Variants in EXD2 observed in about 807,000 individuals in gnomAD.
EXD2 encodes the protein exonuclease 3'-5' domain-containing protein 2.
A neutral mutation model predicts 62.5 loss-of-function variants in EXD2; 40 were observed. The observed-to-expected ratio is 0.64, with a 90% CI of 0.50 to 0.83. The LOEUF (loss-of-function observed/expected upper bound fraction) is 0.83. EXD2 is among the 40% of genes least tolerant of loss of function. EXD2 has a pLI of 0.00. For missense variants in EXD2, 671 were observed against 761.8 expected, an observed-to-expected ratio of 0.88 and a Z score of 1.40; for synonymous variants, 239 against 291.9, an observed-to-expected ratio of 0.82 and a Z score of 1.85.
intron 1 of EXD2, among the ~76,000 whole-genome samples, chr14:69,195,841 C>T (rs918139908): frequency 5.3e-5 from 8 of 152,160 alleles, no homozygotes; most frequent in African/African-American, 1.9e-4. Context: ...TAGCATGTTT[C>T]AGTACTTCAT....
chr14:69,193,060 CT>C (rs1555385968), intron 1 of EXD2, among the ~76,000 whole-genome samples: 1,403 of 138,082 alleles, frequency 0.01, 16 homozygotes, highest in African/African-American at 0.034. Context: ...TTCTCTCTCT[CT>C]TTTTTTTTTT....
intron 3 of EXD2, among the ~76,000 whole-genome samples, chr14:69,211,587 T>C (rs2042805404): frequency 6.6e-6 from 1 of 151,616 alleles, no homozygotes; most frequent in African/African-American, 2.4e-5. Context: ...GGTGTTTCTT[T>C]ATATCAGCAA....
In EXD2 at chr14:69,228,939, T is replaced by G. The variant is rs1163732997; in HGVS notation, c.457T>G (p.Leu153Val). ...CGGKTLPRTL[L>V]DILADGTILK... ...AGGAAAAACACTACCAAGAACGTTA[T>G]TGGATATTTTGGCAGATGGCACCAT... is the stretch of plus-strand genomic sequence containing the variant. The change falls in exon 4 of 10, where the codon TTG (leucine) becomes GTG (valine). Residue 153 changes from leucine to valine, a missense_variant. Physicochemically the swap from Leu to Val is conservative, Grantham distance 32. Coordinates refer to ENST00000685843, the MANE Select transcript of EXD2 (RefSeq NM_001193360.2). The G allele has an allele frequency of 6.2e-7, 1 of 1,614,168 alleles. No homozygotes were observed. The highest frequency in any genetic ancestry group is 8.5e-7 in the Non-Finnish European group (1 of 1,180,036).
At chr14:69,211,618 A>C (rs1019447345) in intron 3 of EXD2, among the ~76,000 whole-genome samples, 1 of 151,906 alleles carries the variant, frequency 6.6e-6, no homozygotes, top group African/African-American at 2.4e-5. Flanking sequence ...CGTTTATACC[A>C]ATGACCTTGG....
At chr14:69,212,114 G>A (rs1459002198) in intron 3 of EXD2, among the ~76,000 whole-genome samples, 3 of 152,308 alleles carry the variant, frequency 2.0e-5, no homozygotes, top group Non-Finnish European at 2.9e-5. Flanking sequence ...GGTAGCCCAC[G>A]CCTGTAATCC....
intron 5 of EXD2, among the ~76,000 whole-genome samples, chr14:69,232,961 G>T (rs1181327893): frequency 6.6e-6 from 1 of 152,106 alleles, no homozygotes; most frequent in Non-Finnish European, 1.5e-5. Context: ...CTCACCCAAG[G>T]TCATGATGAT....
In EXD2 at chr14:69,236,270, A is replaced by G. The variant is rs1001227300; in HGVS notation, c.1156+118A>G. The G allele has an allele frequency of 7.3e-5, 111 of 1,517,596 alleles. 1 individual carries two copies. The Admixed American group carries it at 1.3e-3, about 18-fold the overall frequency. The allele number at this position is 1,517,596 out of a possible 1,614,324, so 94.0% of individuals were successfully genotyped here. A position where few individuals can be genotyped will look rare whatever the true frequency, so the allele number is the denominator to read the frequency against. On this transcript the variant is annotated intron_variant, in intron 7 of 9. Coordinates refer to ENST00000685843, the MANE Select transcript of EXD2 (RefSeq NM_001193360.2). The stretch of plus-strand genomic sequence containing the variant: ...AGAAGGCAGAGAGACCGTGAGATGC[A>G]TGGGACTGGGTAGGCACAACCCAGA...
chr14:69,235,890 A>C (rs2140035411), intron 6 of EXD2, 156 bp from the exon 7 acceptor site: 1 of 709,132 alleles, frequency 1.4e-6, no homozygotes, highest in Non-Finnish European at 2.6e-6. Context: ...GGTGAGGATT[A>C]AACATGGTTT....
At chr14:69,195,641 A>G (rs909289368) in intron 1 of EXD2, among the ~76,000 whole-genome samples, 1 of 152,138 alleles carries the variant, frequency 6.6e-6, no homozygotes, top group African/African-American at 2.4e-5. Context: ...TATCACCCCA[A>G]AAAGAAACCC....
At chr14:69,203,239 A>T (rs949072958) in intron 1 of EXD2, among the ~76,000 whole-genome samples, 7 of 144,754 alleles carry the variant, frequency 4.8e-5, no homozygotes, top group Non-Finnish European at 9.1e-5. Context: ...GTTTTTTGTA[A>T]TTTTTTTTTT....
At chr14:69,230,667 C>T (rs991180318) in intron 5 of EXD2, 69 bp downstream of exon 5, 29 of 1,514,998 alleles carry the variant, frequency 1.9e-5, no homozygotes, top group East Asian at 9.1e-5. Context: ...TTATAAAATT[C>T]GAATTCTCAA....
chr14:69,204,899 T>C (rs1180256195), intron 2 of EXD2, among the ~76,000 whole-genome samples: 2 of 152,214 alleles, frequency 1.3e-5, no homozygotes, highest in Non-Finnish European at 2.9e-5. Flanking sequence ...AGCTCCCTGC[T>C]AGTCACTGGG....
rs2043968949 is a variant in EXD2 at position 69,241,040 on chromosome 14, C to A, written c.1806C>A (p.Asp602Glu). ...PKHLPQQWSV[D>E]HNHQKLLRKF... ...ACCTGCCCCAGCAGTGGTCAGTGGA[C>A]CACAACCATCAGAAGCTGCTCCGGA... is the stretch of plus-strand genomic sequence containing the variant. The change falls in exon 10 of 10, where the codon GAC becomes GAA. Residue 602 changes from aspartate (D) to glutamate (E), a missense_variant. Asp to Glu is a conservative substitution (Grantham distance 45). Transcript: ENST00000685843. 1 of 1,612,962 alleles carries A rather than the reference C, an allele frequency of 6.2e-7. No homozygotes were observed. Among genetic ancestry groups the A allele is most frequent in the Non-Finnish European group, 8.5e-7 (1 of 1,180,038 alleles).
At chr14:69,194,657 A>G (rs753628577) in intron 1 of EXD2, among the ~76,000 whole-genome samples, 1 of 152,096 alleles carries the variant, frequency 6.6e-6, no homozygotes, top group Non-Finnish European at 1.5e-5. Flanking sequence ...TCATGTGCTC[A>G]TTTATCATAC....
intron 5 of EXD2, among the ~76,000 whole-genome samples, chr14:69,232,727 C>T (rs1035537013): frequency 1.3e-5 from 2 of 152,072 alleles, no homozygotes; most frequent in African/African-American, 2.4e-5. Flanking sequence ...ATATCCTTTG[C>T]CCATGTTTTA....
intron 6 of EXD2, 69 bp downstream of exon 6, chr14:69,235,100 CT>C: frequency 7.2e-7 from 1 of 1,391,670 alleles, no homozygotes; most frequent in Non-Finnish European, 9.6e-7. Flanking sequence ...TGATGCTTCC[CT>C]GGGGTCTGGG....
chr14:69,197,287 G>C (rs544362137), intron 1 of EXD2, among the ~76,000 whole-genome samples: 1 of 152,064 alleles, frequency 6.6e-6, no homozygotes, highest in African/African-American at 2.4e-5. Context: ...TTTTAAATTG[G>C]TCTGTCTTTT....
At chr14:69,215,058 G>C (rs2042944213) in intron 3 of EXD2, among the ~76,000 whole-genome samples, 1 of 152,058 alleles carries the variant, frequency 6.6e-6, no homozygotes, top group African/African-American at 2.4e-5. Flanking sequence ...AAGGTGGGTG[G>C]ATCACCTGAA....
intron 3 of EXD2, among the ~76,000 whole-genome samples, chr14:69,226,408 CTT>C (rs1228315176): frequency 6.6e-6 from 1 of 152,156 alleles, no homozygotes; most frequent in Non-Finnish European, 1.5e-5. Context: ...AAGCGTAAGT[CTT>C]TTGTGAGTTA....
Sources: allele counts gnomAD v4.1 joint callset (sites outside exome capture counted in the v4.1 genomes callset), GRCh38; gene constraint gnomAD v4.1.1; transcripts MANE v1.5; gene names NCBI Gene and HGNC (gene_info 2026-07-23, HGNC 2026-07-21).